The following PLCL2 variants were observed in gnomAD, a reference collection of about 807,000 sequenced individuals.
The protein encoded by PLCL2 is inactive phospholipase C-like protein 2.
PLCL2 carries 4 observed loss-of-function variants against 79.6 expected under a neutral mutation model. The ratio of observed to expected loss-of-function variants is 0.05; its 90% CI spans 0.02 to 0.11. The LOEUF (loss-of-function observed/expected upper bound fraction) is 0.11, where lower values mean the gene tolerates loss of function less well. Ranked by LOEUF, PLCL2 falls within the 10% of genes least tolerant of loss-of-function variation. The pLI, the probability that PLCL2 is intolerant of heterozygous loss-of-function variation, is 1.00. For missense variants in PLCL2, 895 were observed against 1,291.0 expected (o/e 0.69, Z 4.70); for synonymous variants, 484 against 457.7 (o/e 1.06, Z -0.73).
chr3:16,908,607 G>T (rs933956214), intron 1 of PLCL2, among the ~76,000 whole-genome samples: 3 of 152,108 alleles, frequency 2.0e-5, no homozygotes, highest in Non-Finnish European at 4.4e-5. Flanking sequence ...CCACTGCTTG[G>T]GGGAGGTGGT....
intron 5 of PLCL2, chr3:17,081,657 G>A (rs933605043): frequency 6.2e-6 from 1 of 162,210 alleles, no homozygotes; most frequent in Non-Finnish European, 1.3e-5. Flanking sequence ...TTAGCCGAGG[G>A]TTGAGCACAG....
intron 3 of PLCL2, among the ~76,000 whole-genome samples, chr3:17,038,427 T>TTA (rs773797041): frequency 1.3e-5 from 2 of 152,190 alleles, no homozygotes; most frequent in Non-Finnish European, 2.9e-5. Flanking sequence ...CAAATAATGC[T>TTA]TATATAATTA....
At chr3:16,915,441 A>C (rs1220683780) in intron 1 of PLCL2, among the ~76,000 whole-genome samples, 2 of 152,134 alleles carry the variant, frequency 1.3e-5, no homozygotes, top group Non-Finnish European at 2.9e-5. Flanking sequence ...AGAATCTTTG[A>C]AATTTTTCAG....
intron 1 of PLCL2, among the ~76,000 whole-genome samples, chr3:16,908,755 T>C (rs1696807087): frequency 6.6e-6 from 1 of 152,196 alleles, no homozygotes; most frequent in Non-Finnish European, 1.5e-5. Context: ...GAGGCTGTGT[T>C]CCAGGTGGTT....
chr3:17,045,257 G>A (rs1214951745), intron 4 of PLCL2, among the ~76,000 whole-genome samples: 2 of 152,120 alleles, frequency 1.3e-5, no homozygotes, highest in Non-Finnish European at 2.9e-5. Context: ...TATTTTAGAT[G>A]TATTTCGAAT....
chr3:16,993,207 T>A (rs1321730611), intron 1 of PLCL2, among the ~76,000 whole-genome samples: 1 of 152,218 alleles, frequency 6.6e-6, no homozygotes, highest in Non-Finnish European at 1.5e-5. Flanking sequence ...ATGTTTCAGT[T>A]TGCCCAGGGC....
intron 1 of PLCL2, among the ~76,000 whole-genome samples, chr3:16,898,566 G>A (rs1199018854): frequency 1.3e-5 from 2 of 152,220 alleles, no homozygotes; most frequent in African/African-American, 2.4e-5. Context: ...CATAGCAAGC[G>A]TTCTACTGGG....
At chr3:16,911,910 G>A (rs761373244) in intron 1 of PLCL2, among the ~76,000 whole-genome samples, 5 of 152,028 alleles carry the variant, frequency 3.3e-5, no homozygotes, top group Non-Finnish European at 7.4e-5. Context: ...ACTTTGTTTC[G>A]TACACAAAAT....
chr3:16,995,884 G>C (rs1159923441), intron 1 of PLCL2, among the ~76,000 whole-genome samples: 1 of 152,140 alleles, frequency 6.6e-6, no homozygotes, highest in African/African-American at 2.4e-5. Flanking sequence ...AACATGTGTT[G>C]TCTCTATGGT....
intron 3 of PLCL2, among the ~76,000 whole-genome samples, chr3:17,042,232 G>C (rs375063044): frequency 1.3e-5 from 2 of 152,114 alleles, no homozygotes; most frequent in South Asian, 4.1e-4. Flanking sequence ...GTAAAATAAT[G>C]GATCAGCTGT....
chr3:16,909,349 C>T lies in PLCL2; in HGVS notation c.327+23983C>T, dbSNP rs565282266. ...GAGCAGATTGCATATCTTCTTGTAG[C>T]TTCCTCATCTAGGAAAAGGAAATAA... On this transcript the variant is annotated intron_variant, in intron 1 of 5. Coordinates refer to ENST00000615277, the MANE Select transcript of PLCL2 (RefSeq NM_001144382.2). Among the ~76,000 whole-genome samples the T allele has an allele frequency of 6.1e-4, 93 of 152,284 alleles. 1 individual carries two copies. The highest frequency in any genetic ancestry group is 2.7e-3 in the Admixed American group (41 of 15,296).
In PLCL2 at chr3:16,964,861, A is replaced by G. The variant is rs1196764607; in HGVS notation, c.328-44813A>G. ...TCATGTCCTTTGCCCACTTTTTGATAGGGTTGTTTGTTTTTTTCTTGTAAA... is the reference window on the plus strand; with the variant it reads ...TCATGTCCTTTGCCCACTTTTTGATGGGGTTGTTTGTTTTTTTCTTGTAAA... On this transcript the variant is annotated intron_variant, in intron 1 of 5. Transcript: ENST00000615277. 1.9e-4 allele frequency among the ~76,000 whole-genome samples: 29 copies of G among 151,730 alleles called. 1 individual carries two copies. The highest frequency in any genetic ancestry group is 3.4e-3 in the Middle Eastern group (1 of 292).
At chr3:16,953,002 G>T (rs2063668003) in intron 1 of PLCL2, among the ~76,000 whole-genome samples, 1 of 151,792 alleles carries the variant, frequency 6.6e-6, no homozygotes, top group African/African-American at 2.4e-5. Context: ...TTATAATACA[G>T]AAAAATTTAA....
At position 17,011,743 on chromosome 3, in the gene PLCL2, A is replaced by G. The variant is rs375035998; in HGVS notation, c.2397A>G (p.Thr799=). Reference sequence around the variant, plus strand: ...CTGCTGATTGTGCAGAACAAAGGACAAAAACAGTGCACCAGAATGGAGACG... The same window carrying G: ...CTGCTGATTGTGCAGAACAAAGGACGAAAACAGTGCACCAGAATGGAGACG... ...GIPADCAEQR[T]KTVHQNGDAP... is the part of the protein sequence containing the mutation. Residue 799 remains threonine (T), a synonymous_variant, in exon 2 of 6, where the codon ACA becomes ACG. Coordinates refer to ENST00000615277, the MANE Select transcript of PLCL2 (RefSeq NM_001144382.2). This position sits in a 1 kb window ranked among gnomAD's most constrained non-coding sequence, Gnocchi z 7.9. The G allele has an allele frequency of 3.2e-5, 52 of 1,614,192 alleles. 1 individual carries two copies. In the Middle Eastern group the frequency reaches 8.2e-4, roughly 26 times the overall value.
At chr3:17,066,544 G>T (rs2065012935) in intron 4 of PLCL2, among the ~76,000 whole-genome samples, 1 of 152,346 alleles carries the variant, frequency 6.6e-6, no homozygotes, top group African/African-American at 2.4e-5. Context: ...GAGTAAAAGT[G>T]TGCAAAAGAA....
In PLCL2 at chr3:16,903,412, C is replaced by G. The variant is rs186325236; in HGVS notation, c.327+18046C>G. 4.8e-3 allele frequency among the ~76,000 whole-genome samples: 735 copies of G among 152,200 alleles called. 4 individuals are homozygous for G. The highest frequency in any genetic ancestry group is 7.3e-3 in the Non-Finnish European group (498 of 68,010). On this transcript the variant is annotated intron_variant, in intron 1 of 5. Transcript: ENST00000615277. ...TTCATGTTATGGAACTGATTTAGTT[C>G]CTGTTCGACAGGCACTGAAACAGGC...
chr3:16,964,548 C>T lies in PLCL2; in HGVS notation c.328-45126C>T, dbSNP rs184614952. ...GGGTATATACCCAGTAATGGGATGG[C>T]TGGGTCAAATGGTATTTCTAGTTCT... On this transcript the variant is annotated intron_variant, in intron 1 of 5. Coordinates refer to ENST00000615277, the MANE Select transcript of PLCL2 (RefSeq NM_001144382.2). 2.7e-3 allele frequency among the ~76,000 whole-genome samples: 410 copies of T among 152,296 alleles called. 2 individuals are homozygous for T. The highest frequency in any genetic ancestry group is 8.9e-3 in the African/African-American group (369 of 41,558).
At chr3:17,052,261 G>C (rs1346064231) in intron 4 of PLCL2, among the ~76,000 whole-genome samples, 1 of 150,490 alleles carries the variant, frequency 6.6e-6, no homozygotes, top group Admixed American at 6.6e-5. Context: ...AAATTGGGGG[G>C]GGGTGAAGGT....
Position 17,000,128 on chromosome 3 carries a change from G to C in PLCL2, c.328-9546G>C, listed in dbSNP as rs28396145. ...CTTTCAAAGACTAACATCTAAGTTAGAGATGCCTTTGTCTTTGAAAGCACA... is the reference window on the plus strand; with the variant it reads ...CTTTCAAAGACTAACATCTAAGTTACAGATGCCTTTGTCTTTGAAAGCACA... On this transcript the variant is annotated intron_variant, in intron 1 of 5. Coordinates refer to ENST00000615277, the MANE Select transcript of PLCL2 (RefSeq NM_001144382.2). Among the ~76,000 whole-genome samples the C allele has an allele frequency of 2.2e-3, 341 of 152,266 alleles. 2 individuals carry two copies. The highest frequency in any genetic ancestry group is 7.7e-3 in the African/African-American group (319 of 41,564).
Sources: gnomAD v4.1 joint callset for allele counts (sites outside exome capture counted in the v4.1 genomes callset) on GRCh38, gnomAD v4.1.1 for gene constraint, Gnocchi (gnomAD v3.1) non-coding constraint, MANE v1.5 for transcripts, NCBI Gene and HGNC (gene_info 2026-07-23, HGNC 2026-07-21) for gene names.